The following PKD1 variants were observed in gnomAD, a reference collection of about 807,000 sequenced individuals.
The protein encoded by PKD1 is polycystin-1.
PKD1 carries 81 observed loss-of-function variants against 361.7 expected under a neutral mutation model. The ratio of observed to expected loss-of-function variants is 0.22; its 90% CI spans 0.19 to 0.27. The LOEUF (loss-of-function observed/expected upper bound fraction) is 0.27. Among genes scored for constraint, PKD1 ranks in the 10% least tolerant of loss-of-function variants. The probability of loss-of-function intolerance (pLI) is 1.00; values close to 1 mark genes in which losing one functional copy is unlikely to be tolerated. For synonymous variants in PKD1, 3,615 were observed against 2,818.3 expected (o/e 1.28, Z -8.95); for missense variants, 6,399 against 6,118.3 (o/e 1.05, Z -1.53).
At position 2,103,652 on chromosome 16, in the gene PKD1, G is replaced by A. The variant is rs534112936; in HGVS notation, c.8405C>T (p.Pro2802Leu). The change falls in exon 23 of 46, where the codon CCT (proline) becomes CTT (leucine). Residue 2802 changes from proline to leucine, a missense_variant. By Grantham distance (98) the Pro-to-Leu change is moderately conservative. Transcript: ENST00000262304. ...CTCGGGGATGGAGAAGTGGCAGCCA[G>A]GCCCTGGGGCGCCGCCATAGCACAG... Reference protein sequence around the residue: ...SLLCYGGAPGPGCHFSIPEAF... With the variant: ...SLLCYGGAPGLGCHFSIPEAF... 102 of 1,610,336 alleles carry A rather than the reference G, an allele frequency of 6.3e-5. 1 individual carries two copies. In the South Asian group the frequency reaches 8.8e-4, roughly 14 times the overall value.
rs370246389 is a variant in PKD1 at position 2,112,602 on chromosome 16, C to T, written c.3162-129G>A. On this transcript the variant is annotated intron_variant, in intron 13 of 45. Coordinates refer to ENST00000262304, the MANE Select transcript of PKD1 (RefSeq NM_001009944.3). ...CCCGGGCCTCCATTCAGGGCCCACC[C>T]GGCTGTGCTGAGGCCTCTCCCGGCT... 7,499 of 993,416 alleles carry T rather than the reference C, an allele frequency of 7.5e-3. 49 individuals are homozygous for T. Among genetic ancestry groups the T allele is most frequent in the Non-Finnish European group, 9.0e-3 (5,956 of 664,308 alleles). The allele number at this position is 993,416 out of a possible 1,614,324, so 61.5% of individuals were successfully genotyped here.
At chr16:2,107,221 G>A (rs898583021) in intron 16 of PKD1, 5 of 519,966 alleles carry the variant, frequency 9.6e-6, no homozygotes, top group African/African-American at 7.8e-5. Context: ...GCTCACTGAG[G>A]GCCCCTGGGG....
chr16:2,112,265 C>T, intron 14 of PKD1, 75 bp downstream of exon 14: 1 of 1,337,346 alleles, frequency 7.5e-7, no homozygotes, highest in South Asian at 1.2e-5. Flanking sequence ...AGGGGGGCAG[C>T]TTGACTGGGG....
chr16:2,111,940 C>T (rs1329662457), intron 14 of PKD1, 69 bp from the exon 15 acceptor site: 18 of 1,556,570 alleles, frequency 1.2e-5, no homozygotes, highest in African/African-American at 1.4e-5. Flanking sequence ...CGGCAGAAGC[C>T]CCCCGCCTGA....
rs1304295296 is a variant in PKD1 at position 2,135,876 on chromosome 16, C to T, written c.-187G>A. ...GCCGCTCCGGGAGCTCGGCCGCCCGCTCGGACGCTGGCGCTGCAGTGCGGG... is the reference window on the plus strand; with the variant it reads ...GCCGCTCCGGGAGCTCGGCCGCCCGTTCGGACGCTGGCGCTGCAGTGCGGG... On this transcript the variant is annotated 5_prime_UTR_variant, in exon 1 of 46. Transcript: ENST00000262304. 1.8e-5 allele frequency: 4 copies of T among 223,746 alleles called. No homozygotes were observed. The highest frequency in any genetic ancestry group is 3.0e-5 in the Non-Finnish European group (4 of 134,962). 13.9% of individuals were successfully genotyped at this position (223,746 alleles called of 1,614,324 possible).
rs1458041995 is a variant in PKD1 at position 2,091,181 on chromosome 16, G to A, written c.11713-7C>T. ...CGAACAGCAGCAGGCACACCTGTGG[G>A]GGGCGCGGTCAGGAGGGCGGGAGGG... On this transcript the variant is annotated splice_polypyrimidine_tract_variant and splice_region_variant and intron_variant, in intron 42 of 45. Coordinates refer to ENST00000262304, the MANE Select transcript of PKD1 (RefSeq NM_001009944.3). 2.1e-6 allele frequency: 3 copies of A among 1,415,030 alleles called. No individual in the cohort carries two copies. Among genetic ancestry groups the A allele is most frequent in the East Asian group, 3.1e-5 (1 of 32,466 alleles). The allele number at this position is 1,415,030 out of a possible 1,614,324, so 87.7% of individuals were successfully genotyped here.
intron 1 of PKD1, among the ~76,000 whole-genome samples, chr16:2,127,442 T>C (rs1206349125): frequency 1.3e-5 from 2 of 152,212 alleles, no homozygotes; most frequent in Non-Finnish European, 2.9e-5. Flanking sequence ...GGCTGGGTGC[T>C]GAGGGGTCCA....
intron 1 of PKD1, chr16:2,119,961 A>G (rs1256821620): frequency 6.6e-6 from 4 of 607,478 alleles, no homozygotes; most frequent in Non-Finnish European, 1.2e-5. Flanking sequence ...CGCCGGTAAC[A>G]CAGCACCGTG....
At chr16:2,133,284 A>C (rs2575304) in intron 1 of PKD1, 35 of 147,710 alleles carry the variant, frequency 2.4e-4, no homozygotes, top group Admixed American at 1.7e-3. Context: ...CGGCAGCATC[A>C]TTAACCCAAG....
At chr16:2,097,548 C>G in intron 32 of PKD1, 45 bp from the exon 33 acceptor site, 1 of 1,603,420 alleles carries the variant, frequency 6.2e-7, no homozygotes, top group South Asian at 1.1e-5. Context: ...ATGTGTCACA[C>G]ACACAGCCCA....
At chr16:2,091,960 AGCC>A in intron 40 of PKD1, 54 bp from the exon 41 acceptor site, 3 of 1,611,840 alleles carry the variant, frequency 1.9e-6, no homozygotes, top group Non-Finnish European at 2.5e-6. Context: ...GGCACCCCGG[AGCC>A]AGGCTGGTCA....
intron 1 of PKD1, among the ~76,000 whole-genome samples, chr16:2,130,738 C>A (rs2092864100): frequency 1.3e-5 from 2 of 152,062 alleles, no homozygotes; most frequent in Admixed American, 1.3e-4. Flanking sequence ...CAGGCAGGGG[C>A]CCCGGGGTCT....
At position 2,110,173 on chromosome 16, in the gene PKD1, C is replaced by A; in HGVS notation, c.4994G>T (p.Ser1665Ile). Residue 1665 changes from serine to isoleucine, a missense_variant, in exon 15 of 46, where the codon AGC (serine) becomes ATC (isoleucine). Ser to Ile is a moderately radical substitution (Grantham distance 142). Coordinates refer to ENST00000262304, the MANE Select transcript of PKD1 (RefSeq NM_001009944.3). ...GCCCCTGTCCCTCCAGGCAGTCCAGCTGTAGGAGACGTTGGTGCCATCCCT... is the reference window on the plus strand; with the variant it reads ...GCCCCTGTCCCTCCAGGCAGTCCAGATGTAGGAGACGTTGGTGCCATCCCT... ...VVRDGTNVSY[S>I]WTAWRDRGPA... The A allele has an allele frequency of 6.2e-7, 1 of 1,610,906 alleles. No individual in the cohort carries two copies. The highest frequency in any genetic ancestry group is 8.5e-7 in the Non-Finnish European group (1 of 1,179,774).
In PKD1 at chr16:2,108,388, A is replaced by C; in HGVS notation, c.6779T>G (p.Ile2260Ser). Residue 2260 changes from isoleucine to serine, a missense_variant, in exon 15 of 46, where the codon ATT becomes AGT. Physicochemically the swap from Ile to Ser is moderately radical, Grantham distance 142. Transcript: ENST00000262304. ...CCACACGCGGTATGAGCCACCCTCA[A>C]TGATGGGCACCAGGCGCTCGGGGGC... ...TVAPERLVPI[I>S]EGGSYRVWSD... is the part of the protein sequence containing the mutation. 6.2e-7 allele frequency: 1 copy of C among 1,610,540 alleles called. No individual in the cohort carries two copies. Among genetic ancestry groups the C allele is most frequent in the Non-Finnish European group, 8.5e-7 (1 of 1,179,734 alleles).
Position 2,105,907 on chromosome 16 carries a change from G to A in PKD1, c.7821C>T (p.His2607=), listed in dbSNP as rs78726010. The change falls in exon 20 of 46, where the codon CAC becomes CAT. Residue 2607 remains histidine (H), a synonymous_variant. Coordinates refer to ENST00000262304, the MANE Select transcript of PKD1 (RefSeq NM_001009944.3). ...PGLLRQADPQ[H]VIEYSLALVT... ...CCAGGGCCAACGAGTACTCGATGACGTGCTGGGGATCGGCCTGCCGCAGCA... is the reference window on the plus strand; with the variant it reads ...CCAGGGCCAACGAGTACTCGATGACATGCTGGGGATCGGCCTGCCGCAGCA... 76 of 1,596,732 alleles carry A rather than the reference G, an allele frequency of 4.8e-5. No homozygotes were observed. The South Asian group carries it at 6.0e-4, about 13-fold the overall frequency.
At chr16:2,099,838 G>A in intron 29 of PKD1, 23 bp downstream of exon 29, 1 of 1,560,736 alleles carries the variant, frequency 6.4e-7, no homozygotes, top group Non-Finnish European at 8.7e-7. Flanking sequence ...GGAAGAGGCT[G>A]CCCCGACCCC....
chr16:2,107,841 G>A (rs1435626439), intron 16 of PKD1, 42 bp downstream of exon 16: 3 of 1,528,768 alleles, frequency 2.0e-6, no homozygotes, highest in Non-Finnish European at 2.6e-6. Flanking sequence ...CAGGGAGGCT[G>A]GGCTGTCCAA....
At position 2,092,063 on chromosome 16, in the gene PKD1, C is replaced by A. The variant is rs919217705; in HGVS notation, c.11395G>T (p.Ala3799Ser). 6.2e-7 allele frequency: 1 copy of A among 1,612,794 alleles called. No homozygotes were observed. The highest frequency in any genetic ancestry group is 8.5e-7 in the Non-Finnish European group (1 of 1,179,980). ...HNGSGTWAYS[A>S]PDLLGAWSWG... ...TCTGCTCACCCCAGCAGATCCGGCG[C>A]TGAATAGGCCCACGTCCCCGAGCCA... The change falls in exon 40 of 46, where the codon GCG becomes TCG. Residue 3799 changes from alanine to serine, a missense_variant. Ala to Ser is a moderately conservative substitution (Grantham distance 99, BLOSUM62 1). Coordinates refer to ENST00000262304, the MANE Select transcript of PKD1 (RefSeq NM_001009944.3).
In PKD1 at chr16:2,097,410, T is replaced by G; in HGVS notation, c.10314A>C (p.Ala3438=). The G allele has an allele frequency of 6.2e-7, 1 of 1,609,700 alleles. No homozygotes were observed. Among genetic ancestry groups the G allele is most frequent in the Non-Finnish European group, 8.5e-7 (1 of 1,179,904 alleles). The part of the protein sequence containing the change: ...SIVGSNLRQL[A]RGQAGHGLGP... ...CCAGCCCATGGCCCGCCTGGCCCCGTGCCAGCTGCCGCAGATTGCTACCCA... is the reference window on the plus strand; with the variant it reads ...CCAGCCCATGGCCCGCCTGGCCCCGGGCCAGCTGCCGCAGATTGCTACCCA... Residue 3438 remains alanine (A), a synonymous_variant, in exon 33 of 46, where the codon GCA becomes GCC. Coordinates refer to ENST00000262304, the MANE Select transcript of PKD1 (RefSeq NM_001009944.3).
Sources: gnomAD v4.1 joint callset for allele counts (sites outside exome capture counted in the v4.1 genomes callset) on GRCh38, gnomAD v4.1.1 for gene constraint, MANE v1.5 for transcripts, NCBI Gene and HGNC (gene_info 2026-07-23, HGNC 2026-07-21) for gene names.